Variants in CFAP74 observed in about 807,000 individuals in gnomAD.
CFAP74 encodes the protein cilia- and flagella-associated protein 74.
Under a neutral mutation model 188.9 loss-of-function variants are expected in CFAP74, and 124 were observed. That is an observed-to-expected ratio of 0.66 (90% CI 0.57 to 0.76). The LOEUF (loss-of-function observed/expected upper bound fraction) is 0.76, where lower values mean the gene tolerates loss of function less well. Among genes scored for constraint, CFAP74 ranks in the 30% least tolerant of loss-of-function variants. CFAP74 has a pLI of 0.00. For missense variants in CFAP74, 2,198 were observed against 2,165.2 expected, an observed-to-expected ratio of 1.02 and a Z score of -0.30; for synonymous variants, 956 against 916.7, an observed-to-expected ratio of 1.04 and a Z score of -0.77.
chr1:1,994,141 G>A (rs1444998234), intron 1 of CFAP74, among the ~76,000 whole-genome samples: 16 of 149,862 alleles, frequency 1.1e-4, no homozygotes, highest in Admixed American at 4.0e-4. Flanking sequence ...GGCCAGCCTG[G>A]GTGACAGAGC....
intron 18 of CFAP74, among the ~76,000 whole-genome samples, chr1:1,952,010 A>G (rs1275959770): frequency 6.6e-6 from 1 of 152,202 alleles, no homozygotes; most frequent in African/African-American, 2.4e-5. Context: ...AGGGAATTCC[A>G]CGAGAAGCAT....
intron 32 of CFAP74, 89 bp from the exon 33 acceptor site, chr1:1,926,027 T>C (rs1426621138): frequency 3.5e-6 from 5 of 1,431,172 alleles, no homozygotes; most frequent in Non-Finnish European, 4.7e-6. Flanking sequence ...TTCTCAACGC[T>C]GGAGTTGAGA....
At chr1:1,990,041 G>A (rs959236568) in intron 2 of CFAP74, among the ~76,000 whole-genome samples, 1 of 152,136 alleles carries the variant, frequency 6.6e-6, no homozygotes, top group African/African-American at 2.4e-5. Context: ...GACTCCAGCT[G>A]TCTTCCATTA....
rs1655376430 is a variant in CFAP74, at chr1:1,965,077, A to G, written c.1402-16T>C. On this transcript the variant is annotated splice_polypyrimidine_tract_variant and intron_variant, in intron 12 of 38. Coordinates refer to ENST00000682832, the MANE Select transcript of CFAP74 (RefSeq NM_001304360.2). ...CCTTGGGCACCTGGGGGTCACAGAG[A>G]CAGAGGCTGGGGCTGTTAGCGGCTC... The G allele has an allele frequency of 6.2e-7, 1 of 1,609,418 alleles. No individual in the cohort carries two copies. The highest frequency in any genetic ancestry group is 8.5e-7 in the Non-Finnish European group (1 of 1,177,526).
intron 1 of CFAP74, among the ~76,000 whole-genome samples, chr1:1,994,358 G>A (rs1159809038): frequency 6.6e-6 from 1 of 152,110 alleles, no homozygotes; most frequent in African/African-American, 2.4e-5. Flanking sequence ...GTGTTTCATT[G>A]CTTAACTTAG....
At chr1:1,960,248 C>T (rs1558029273) in intron 14 of CFAP74, 2 of 557,860 alleles carry the variant, frequency 3.6e-6, no homozygotes, top group East Asian at 3.4e-5. Context: ...TGTGTGCGAA[C>T]GTTTGTGGAG....
rs767530697 is a variant in CFAP74 at position 1,972,023 on chromosome 1, A to G, written c.845T>C (p.Met282Thr). The G allele has an allele frequency of 6.2e-7, 1 of 1,612,908 alleles. No homozygotes were observed. Among genetic ancestry groups the G allele is most frequent in the Non-Finnish European group, 8.5e-7 (1 of 1,179,996 alleles). The change falls in exon 9 of 39, where the codon ATG becomes ACG. Residue 282 changes from methionine to threonine, a missense_variant. By Grantham distance (81) the Met-to-Thr change is moderately conservative. Transcript: ENST00000682832. ...MECHEYMRRR[M>T]DAVVALKGSI... Reference sequence around the variant, plus strand: ...GCCCTTCAGCGCCACCACCGCATCCATGCGTCGCCTCATGTACTCGTGGCA... The same window carrying G: ...GCCCTTCAGCGCCACCACCGCATCCGTGCGTCGCCTCATGTACTCGTGGCA...
intron 20 of CFAP74, among the ~76,000 whole-genome samples, chr1:1,945,860 C>T (rs1179295490): frequency 1.7e-5 from 2 of 118,882 alleles, no homozygotes; most frequent in Admixed American, 9.3e-5. Context: ...AAAGGCTCTG[C>T]GTGTGTGCAC....
Position 1,956,723 on chromosome 1 carries a change from C to G in CFAP74, c.1913G>C (p.Arg638Pro), listed in dbSNP as rs761220974. 6.8e-6 allele frequency: 11 copies of G among 1,613,886 alleles called. No individual in the cohort carries two copies. Among genetic ancestry groups the G allele is most frequent in the Non-Finnish European group, 7.6e-6 (9 of 1,179,930 alleles). Residue 638 changes from arginine to proline, a missense_variant, in exon 17 of 39, where the codon CGG becomes CCG. Coordinates refer to ENST00000682832, the MANE Select transcript of CFAP74 (RefSeq NM_001304360.2). ...CCCAACGTTGGTCAGCGTGATGGTC[C>G]GAGACGTGGTCTCTCCTACCACGTA... is the stretch of plus-strand genomic sequence containing the variant. The part of the protein sequence containing the change: ...GSYVVGETTS[R>P]TITLTNVGGL...
intron 18 of CFAP74, chr1:1,954,543 G>A: frequency 6.3e-6 from 1 of 159,308 alleles, no homozygotes; most frequent in South Asian, 1.9e-4. Context: ...AGCACCTTGG[G>A]AGGCTGAGGT....
At chr1:1,945,639 C>T (rs1472851874) in intron 20 of CFAP74, among the ~76,000 whole-genome samples, 2 of 151,934 alleles carry the variant, frequency 1.3e-5, no homozygotes, top group African/African-American at 2.4e-5. Context: ...ACCAGCCTGG[C>T]CAACACAGTG....
chr1:1,986,794 G>A, intron 5 of CFAP74, 143 bp downstream of exon 5: 1 of 664,750 alleles, frequency 1.5e-6, no homozygotes, highest in Non-Finnish European at 2.6e-6. Flanking sequence ...ACATGCTTCT[G>A]CATGTTCGTG....
intron 6 of CFAP74, among the ~76,000 whole-genome samples, chr1:1,982,119 G>A (rs1404981909): frequency 7.0e-5 from 10 of 143,860 alleles, no homozygotes; most frequent in Admixed American, 6.9e-4. Context: ...CAGACACGGT[G>A]ACACACAGGA....
At chr1:1,940,693 A>G (rs963943591) in intron 22 of CFAP74, among the ~76,000 whole-genome samples, 2 of 152,270 alleles carry the variant, frequency 1.3e-5, no homozygotes, top group African/African-American at 2.4e-5. Context: ...AATAAATTCA[A>G]TAGCCATGTT....
At position 1,974,046 on chromosome 1, in the gene CFAP74, C is replaced by A. The variant is rs117346635; in HGVS notation, c.653G>T (p.Arg218Leu). Residue 218 changes from arginine to leucine, a missense_variant, in exon 7 of 39, where the codon CGG becomes CTG. Transcript: ENST00000682832. ...CTACCTGATCCTCAGCAGTCGGTTCCGCTCCACCTTCCCCAGGGCCTCCTG... is the reference window on the plus strand; with the variant it reads ...CTACCTGATCCTCAGCAGTCGGTTCAGCTCCACCTTCCCCAGGGCCTCCTG... ...REQEALGKVE[R>L]NRLLRIRKSL... The A allele has an allele frequency of 6.3e-7, 1 of 1,589,812 alleles. No homozygotes were observed. Among genetic ancestry groups the A allele is most frequent in the Non-Finnish European group, 8.6e-7 (1 of 1,164,610 alleles).
intron 25 of CFAP74, among the ~76,000 whole-genome samples, chr1:1,933,476 G>A (rs1164543662): frequency 6.6e-6 from 1 of 152,150 alleles, no homozygotes; most frequent in Non-Finnish European, 1.5e-5. Flanking sequence ...CACCGCACCC[G>A]GCCCAACTAT....
chr1:1,995,765 G>A (rs1367562994), intron 1 of CFAP74, among the ~76,000 whole-genome samples: 1 of 151,164 alleles, frequency 6.6e-6, no homozygotes. Context: ...AAATTTAGCC[G>A]GGTGTGGTGG....
intron 1 of CFAP74, among the ~76,000 whole-genome samples, chr1:1,996,151 A>G (rs1047359657): frequency 6.6e-6 from 1 of 151,806 alleles, no homozygotes; most frequent in African/African-American, 2.4e-5. Flanking sequence ...CGCCTGGCTA[A>G]TTTTTGTATT....
At chr1:1,927,358 TG>T in intron 28 of CFAP74, 7 of 551,700 alleles carry the variant, frequency 1.3e-5, no homozygotes, top group South Asian at 2.2e-5. Flanking sequence ...GGGGGCTGGG[TG>T]GGGGGTGGTG....
Sources: gnomAD v4.1 joint callset for allele counts (sites outside exome capture counted in the v4.1 genomes callset) on GRCh38, gnomAD v4.1.1 for gene constraint, MANE v1.5 for transcripts, NCBI Gene and HGNC (gene_info 2026-07-23, HGNC 2026-07-21) for gene names.